GABRB1: variants seen among roughly 807,000 people sequenced by gnomAD.
The protein encoded by GABRB1 is gamma-aminobutyric acid type A receptor subunit beta1, also known as gamma-aminobutyric acid receptor subunit beta-1.
Under a neutral mutation model 51.6 loss-of-function variants are expected in GABRB1, and 17 were observed. The ratio of observed to expected loss-of-function variants is 0.33; its 90% confidence interval spans 0.23 to 0.49. The LOEUF is 0.49. Ranked by LOEUF, GABRB1 falls within the 20% of genes least tolerant of loss-of-function variation. The pLI is 0.99. For synonymous variants in GABRB1, 247 were observed against 218.9 expected (o/e 1.13, Z -1.14); for missense variants, 410 against 600.6 (o/e 0.68, Z 3.32).
chr4:47,384,667 C>G (rs1727723544), intron 5 of GABRB1, among the ~76,000 whole-genome samples: 1 of 152,090 alleles, frequency 6.6e-6, no homozygotes, highest in Admixed American at 6.5e-5. Flanking sequence ...ACTGTTAGTG[C>G]AGTAAGGTTA....
intron 1 of GABRB1, among the ~76,000 whole-genome samples, chr4:47,010,413 A>G (rs1199877124): frequency 6.6e-6 from 1 of 152,212 alleles, no homozygotes; most frequent in Non-Finnish European, 1.5e-5. Context: ...GTTAAGTAAC[A>G]AAATAAAGAT....
At chr4:47,333,411 C>T (rs527272147) in intron 5 of GABRB1, among the ~76,000 whole-genome samples, 4 of 151,928 alleles carry the variant, frequency 2.6e-5, no homozygotes, top group East Asian at 1.9e-4. Context: ...GAATAGACAA[C>T]GGTTTTTACA....
chr4:47,152,309 C>T (rs892570893), intron 3 of GABRB1, among the ~76,000 whole-genome samples: 3 of 151,994 alleles, frequency 2.0e-5, no homozygotes, highest in African/African-American at 7.2e-5. Context: ...TCAACTGATG[C>T]ATTTGATCAT....
chr4:47,377,332 C>T, intron 5 of GABRB1, among the ~76,000 whole-genome samples: 1 of 151,758 alleles, frequency 6.6e-6, no homozygotes, highest in South Asian at 2.1e-4. Flanking sequence ...AGAATGAAGC[C>T]GTGGACCCTC....
At chr4:47,335,560 T>C (rs1379214371) in intron 5 of GABRB1, among the ~76,000 whole-genome samples, 2 of 152,142 alleles carry the variant, frequency 1.3e-5, no homozygotes, top group Admixed American at 1.3e-4. Flanking sequence ...TTGACCAGTA[T>C]GTACAGTTAC....
intron 3 of GABRB1, among the ~76,000 whole-genome samples, chr4:47,058,145 G>A (rs1477573935): frequency 6.6e-6 from 1 of 152,098 alleles, no homozygotes; most frequent in Non-Finnish European, 1.5e-5. Context: ...GGTTAAAGAA[G>A]GTCAAGGATT....
chr4:47,409,051 T>C (rs1728672537), intron 8 of GABRB1, among the ~76,000 whole-genome samples: 1 of 152,190 alleles, frequency 6.6e-6, no homozygotes, highest in South Asian at 2.1e-4. Context: ...TACGCTCATC[T>C]GTTGGGCTGC....
intron 3 of GABRB1, among the ~76,000 whole-genome samples, chr4:47,067,130 CT>C (rs35751528): frequency 6.6e-6 from 1 of 152,102 alleles, no homozygotes; most frequent in South Asian, 2.1e-4. Context: ...TGAAAGGATT[CT>C]TTTTTTTCTG....
chr4:47,055,443 G>T (rs1577865731), intron 3 of GABRB1, among the ~76,000 whole-genome samples: 2 of 152,200 alleles, frequency 1.3e-5, no homozygotes, highest in Non-Finnish European at 2.9e-5. Flanking sequence ...TTTTAGTGTA[G>T]AAGGCACTCA....
chr4:47,307,867 T>A (rs1724526854), intron 4 of GABRB1, among the ~76,000 whole-genome samples: 1 of 151,876 alleles, frequency 6.6e-6, no homozygotes, highest in Admixed American at 6.6e-5. Flanking sequence ...ATTAAAAAAT[T>A]TAAATCACAA....
At chr4:47,310,706 T>C (rs1724638094) in intron 4 of GABRB1, among the ~76,000 whole-genome samples, 1 of 152,120 alleles carries the variant, frequency 6.6e-6, no homozygotes, top group African/African-American at 2.4e-5. Flanking sequence ...ATCTTTGATA[T>C]TGGAGTGGAA....
chr4:47,016,614 A>G (rs1317239237), intron 1 of GABRB1, among the ~76,000 whole-genome samples: 1 of 151,670 alleles, frequency 6.6e-6, no homozygotes, highest in East Asian at 1.9e-4. Context: ...TCTGAGATGG[A>G]GTCTCACTCT....
At position 47,393,471 on chromosome 4, in the gene GABRB1, C is replaced by G. The variant is rs79958810; in HGVS notation, c.545-9847C>G. 2.0e-5 allele frequency among the ~76,000 whole-genome samples: 3 copies of G among 151,836 alleles called. No individual in the cohort carries two copies. In the East Asian group the frequency reaches 5.8e-4, roughly 29 times the overall value. Reference sequence around the variant, plus strand: ...TGGCCATAGGAGTCTACCTACAGCTCTCCCTACACTCAATCCTGGCTACCT... The same window carrying G: ...TGGCCATAGGAGTCTACCTACAGCTGTCCCTACACTCAATCCTGGCTACCT... On this transcript the variant is annotated intron_variant, in intron 5 of 8. Coordinates refer to ENST00000295454, the MANE Select transcript of GABRB1 (RefSeq NM_000812.4).
intron 3 of GABRB1, among the ~76,000 whole-genome samples, chr4:47,099,172 A>G (rs901998501): frequency 6.6e-6 from 1 of 152,144 alleles, no homozygotes; most frequent in Non-Finnish European, 1.5e-5. Flanking sequence ...AAGCATTTAC[A>G]TAAGTTACAG....
intron 4 of GABRB1, among the ~76,000 whole-genome samples, chr4:47,179,124 C>T (rs1018662336): frequency 6.6e-6 from 1 of 152,020 alleles, no homozygotes; most frequent in Admixed American, 6.6e-5. Context: ...TAGCCCCTCA[C>T]CCCCTGACAG....
intron 4 of GABRB1, among the ~76,000 whole-genome samples, chr4:47,172,488 C>G (rs906560367): frequency 6.6e-6 from 1 of 152,088 alleles, no homozygotes; most frequent in African/African-American, 2.4e-5. Context: ...TTCCTTACCC[C>G]TGCTTGTAAA....
At chr4:47,137,409 C>T (rs1347647313) in intron 3 of GABRB1, among the ~76,000 whole-genome samples, 1 of 151,890 alleles carries the variant, frequency 6.6e-6, no homozygotes, top group Non-Finnish European at 1.5e-5. Flanking sequence ...GATAAAATAC[C>T]CCAAGTAAAA....
chr4:47,057,627 C>T (rs1468032470), intron 3 of GABRB1, among the ~76,000 whole-genome samples: 1 of 152,208 alleles, frequency 6.6e-6, no homozygotes, highest in Non-Finnish European at 1.5e-5. Context: ...CTGTCAGTAT[C>T]TCCTACTCCC....
chr4:46,997,648 C>T (rs974043379), intron 1 of GABRB1, among the ~76,000 whole-genome samples: 2 of 151,778 alleles, frequency 1.3e-5, no homozygotes, highest in East Asian at 1.9e-4. Flanking sequence ...ACTATATGTC[C>T]TCCAGGTTCA....
Sources: allele counts gnomAD v4.1 joint callset (sites outside exome capture counted in the v4.1 genomes callset), GRCh38; gene constraint gnomAD v4.1.1; transcripts MANE v1.5; gene names NCBI Gene and HGNC (gene_info 2026-07-23, HGNC 2026-07-21).